The following KCTD8 variants were observed in gnomAD, a reference collection of about 807,000 sequenced individuals.
The protein encoded by KCTD8 is potassium channel tetramerization domain containing 8.
KCTD8 carries 27 observed loss-of-function variants against 31.5 expected under a neutral mutation model. The ratio of observed to expected loss-of-function variants is 0.86; its 90% CI spans 0.63 to 1.18. The LOEUF (loss-of-function observed/expected upper bound fraction) is 1.18, where lower values mean the gene tolerates loss of function less well. Ranked by LOEUF, KCTD8 falls within the 50% of genes most tolerant of loss-of-function variation. KCTD8 has a pLI of 0.00. For synonymous variants in KCTD8, 290 were observed against 280.0 expected (o/e 1.04, Z -0.36); for missense variants, 658 against 647.7 (o/e 1.02, Z -0.17).
rs186593414 is a variant in KCTD8, at chr4:44,375,412, A to G, written c.961+72151T>C. Reference sequence around the variant, plus strand: ...GATAAGTAAGAAATGAAGGGGGTGGAGGAACAGGAGTAAAACAACAGTCAA... The same window carrying G: ...GATAAGTAAGAAATGAAGGGGGTGGGGGAACAGGAGTAAAACAACAGTCAA... On this transcript the variant is annotated intron_variant, in intron 1 of 1. Coordinates refer to ENST00000360029, the MANE Select transcript of KCTD8 (RefSeq NM_198353.3). 2.9e-3 allele frequency among the ~76,000 whole-genome samples: 438 copies of G among 152,282 alleles called. 1 individual carries two copies. The highest frequency in any genetic ancestry group is 5.1e-3 in the Non-Finnish European group (349 of 68,026).
At chr4:44,272,142 A>ATATATATATATATATATATATATAT (rs1560412318) in intron 1 of KCTD8, among the ~76,000 whole-genome samples, 18 of 135,746 alleles carry the variant, frequency 1.3e-4, no homozygotes, top group African/African-American at 6.2e-4. Flanking sequence ...TATATATATA[A>ATATATATATATATATATATATATAT]ATGCTGAACC....
At position 44,197,966 on chromosome 4, in the gene KCTD8, AC is replaced by A. The variant is rs1407771950; in HGVS notation, c.962-22717del. On this transcript the variant is annotated intron_variant, in intron 1 of 1. Coordinates refer to ENST00000360029, the MANE Select transcript of KCTD8 (RefSeq NM_198353.3). ...CTATTTGAAGAAATAATTAAACTGA[AC>A]TTCTGGAATTGAAGAATTCACTTAA... 2.0e-5 allele frequency among the ~76,000 whole-genome samples: 3 copies of A among 152,298 alleles called. No individual in the cohort carries two copies. In the East Asian group the frequency reaches 5.8e-4, roughly 29 times the overall value.
intron 1 of KCTD8, chr4:44,293,614 T>C (rs940388989): frequency 1.2e-4 from 43 of 346,558 alleles, no homozygotes; most frequent in African/African-American, 8.6e-4. Context: ...ATTTCTAGTC[T>C]TTAATTTTTT....
chr4:44,403,831 T>C (rs1720722688), intron 1 of KCTD8, among the ~76,000 whole-genome samples: 2 of 151,916 alleles, frequency 1.3e-5, no homozygotes, highest in African/African-American at 4.8e-5. Context: ...CCAAAAAATG[T>C]AATGTAAAGG....
intron 1 of KCTD8, among the ~76,000 whole-genome samples, chr4:44,428,615 T>C (rs1405769456): frequency 6.6e-6 from 1 of 151,824 alleles, no homozygotes; most frequent in African/African-American, 2.4e-5. Flanking sequence ...GTAAAACAAA[T>C]GTCAGAGTAT....
At chr4:44,310,677 T>A (rs1197468603) in intron 1 of KCTD8, among the ~76,000 whole-genome samples, 1 of 152,132 alleles carries the variant, frequency 6.6e-6, no homozygotes, top group Non-Finnish European at 1.5e-5. Flanking sequence ...ACCAGAGGAA[T>A]AAAACATAAT....
intron 1 of KCTD8, among the ~76,000 whole-genome samples, chr4:44,192,794 T>A (rs1241547282): frequency 6.6e-6 from 1 of 152,184 alleles, no homozygotes; most frequent in Non-Finnish European, 1.5e-5. Context: ...GTGGGCATCA[T>A]CTAATCAGCT....
intron 1 of KCTD8, among the ~76,000 whole-genome samples, chr4:44,289,262 T>C (rs1376305768): frequency 6.6e-6 from 1 of 151,446 alleles, no homozygotes; most frequent in African/African-American, 2.4e-5. Context: ...TAATATTATA[T>C]AGAATACTAT....
chr4:44,270,885 A>C (rs1716576085), intron 1 of KCTD8, among the ~76,000 whole-genome samples: 1 of 152,074 alleles, frequency 6.6e-6, no homozygotes. Context: ...TTATTCTCAG[A>C]CTAGCATTTC....
At chr4:44,338,620 C>CGTATGG (rs1718816380) in intron 1 of KCTD8, among the ~76,000 whole-genome samples, 1 of 152,154 alleles carries the variant, frequency 6.6e-6, no homozygotes, top group Non-Finnish European at 1.5e-5. Context: ...AGTGATACCA[C>CGTATGG]ACGTGTGGTT....
At chr4:44,305,023 G>T (rs957625926) in intron 1 of KCTD8, among the ~76,000 whole-genome samples, 2 of 151,844 alleles carry the variant, frequency 1.3e-5, no homozygotes, top group Non-Finnish European at 2.9e-5. Flanking sequence ...GTGGGAGAAG[G>T]TTTTACATTA....
intron 1 of KCTD8, among the ~76,000 whole-genome samples, chr4:44,336,575 A>G (rs891211213): frequency 6.6e-6 from 1 of 152,142 alleles, no homozygotes; most frequent in Non-Finnish European, 1.5e-5. Context: ...TTAAACAGAT[A>G]TAAGCGTTAC....
chr4:44,369,255 A>G lies in KCTD8; in HGVS notation c.961+78308T>C, dbSNP rs570767315. Among the ~76,000 whole-genome samples, 5 of 152,324 alleles carry G rather than the reference A, an allele frequency of 3.3e-5. No homozygotes were observed. The East Asian group carries it at 9.7e-4, about 29-fold the overall frequency. ...CTTTAAGATTATGTTTATACTTCTA[A>G]TTAGGTCATGGTTAGGGTTCTAGAA... On this transcript the variant is annotated intron_variant, in intron 1 of 1. Transcript: ENST00000360029.
chr4:44,313,387 C>A lies in KCTD8; in HGVS notation c.961+134176G>T, dbSNP rs564516843. 1.2e-4 allele frequency among the ~76,000 whole-genome samples: 18 copies of A among 152,112 alleles called. 1 individual carries two copies. In the South Asian group the frequency reaches 2.9e-3, roughly 25 times the overall value. Reference sequence around the variant, plus strand: ...CTTGTGGTCTGTCAGGCAGTGATGCCCTAAAGTAGGTGAATCACTTGGCCG... The same window carrying A: ...CTTGTGGTCTGTCAGGCAGTGATGCACTAAAGTAGGTGAATCACTTGGCCG... On this transcript the variant is annotated intron_variant, in intron 1 of 1. Coordinates refer to ENST00000360029, the MANE Select transcript of KCTD8 (RefSeq NM_198353.3).
intron 1 of KCTD8, among the ~76,000 whole-genome samples, chr4:44,334,357 G>T (rs1718663548): frequency 6.6e-6 from 1 of 151,836 alleles, no homozygotes; most frequent in South Asian, 2.1e-4. Flanking sequence ...ACATTTTCTG[G>T]ATACATCATG....
intron 1 of KCTD8, among the ~76,000 whole-genome samples, chr4:44,305,443 A>G (rs760175544): frequency 6.6e-6 from 1 of 151,756 alleles, no homozygotes; most frequent in African/African-American, 2.4e-5. Context: ...AGCTATATTT[A>G]TATCAAATTT....
intron 1 of KCTD8, among the ~76,000 whole-genome samples, chr4:44,183,040 T>C (rs1713475009): frequency 6.6e-6 from 1 of 152,214 alleles, no homozygotes; most frequent in African/African-American, 2.4e-5. Context: ...TTCACTTGAA[T>C]ACTGAGAGTA....
chr4:44,434,587 C>T (rs1245799668), intron 1 of KCTD8, among the ~76,000 whole-genome samples: 1 of 151,868 alleles, frequency 6.6e-6, no homozygotes, highest in African/African-American at 2.4e-5. Flanking sequence ...TAAATATTTG[C>T]TAAGTGACAA....
chr4:44,356,920 G>T (rs561769893), intron 1 of KCTD8, among the ~76,000 whole-genome samples: 1 of 152,030 alleles, frequency 6.6e-6, no homozygotes, highest in Non-Finnish European at 1.5e-5. Context: ...CATAAGATTG[G>T]CCTAAGACTC....
Sources: allele counts gnomAD v4.1 joint callset (sites outside exome capture counted in the v4.1 genomes callset), GRCh38; gene constraint gnomAD v4.1.1; transcripts MANE v1.5; gene names NCBI Gene and HGNC (gene_info 2026-07-23, HGNC 2026-07-21).